The following MAML2 variants were observed in gnomAD, a reference collection of about 807,000 sequenced individuals.
MAML2 encodes the protein mastermind like transcriptional coactivator 2, also known as mastermind-like protein 2.
A neutral mutation model predicts 96.1 loss-of-function variants in MAML2; 22 were observed. The observed-to-expected ratio is 0.23, with a 90% CI of 0.16 to 0.33. The LOEUF (loss-of-function observed/expected upper bound fraction) is 0.33, where lower values mean the gene tolerates loss of function less well. Among genes scored for constraint, MAML2 ranks in the 10% least tolerant of loss-of-function variants. The pLI is 1.00. For missense variants in MAML2, 1,367 were observed against 1,392.4 expected, an observed-to-expected ratio of 0.98 and a Z score of 0.29; for synonymous variants, 561 against 521.3, an observed-to-expected ratio of 1.08 and a Z score of -1.04.
intron 1 of MAML2, among the ~76,000 whole-genome samples, chr11:96,216,000 C>A (rs772306995): frequency 2.0e-5 from 3 of 151,892 alleles, no homozygotes; most frequent in Admixed American, 6.6e-5. Context: ...GAGACATGTA[C>A]TGCATATTTT....
chr11:96,099,703 G>A (rs1203905309), intron 1 of MAML2, among the ~76,000 whole-genome samples: 1 of 152,196 alleles, frequency 6.6e-6, no homozygotes, highest in Admixed American at 6.5e-5. Context: ...GTTGTGGGTT[G>A]TGGGGAATAT....
chr11:96,294,707 T>A (rs1056319921), intron 1 of MAML2, among the ~76,000 whole-genome samples: 3 of 152,246 alleles, frequency 2.0e-5, no homozygotes, highest in African/African-American at 7.2e-5. Context: ...TAACATTTAT[T>A]GAACACTTAT....
intron 2 of MAML2, among the ~76,000 whole-genome samples, chr11:96,076,417 G>GTCTC (rs536256864): frequency 5.3e-5 from 6 of 113,632 alleles, no homozygotes; most frequent in South Asian, 3.0e-4. Context: ...GCTCTCTTTT[G>GTCTC]TCTCTCTCTC....
intron 1 of MAML2, among the ~76,000 whole-genome samples, chr11:96,221,637 G>T (rs889038235): frequency 6.7e-6 from 1 of 150,116 alleles, no homozygotes; most frequent in African/African-American, 2.5e-5. Context: ...TCAGTATTGA[G>T]CTCTTTGCTT....
chr11:96,192,985 C>T (rs1861676596), intron 1 of MAML2, among the ~76,000 whole-genome samples: 1 of 152,208 alleles, frequency 6.6e-6, no homozygotes, highest in African/African-American at 2.4e-5. Flanking sequence ...CTCTAGGAAT[C>T]ACATTGTGGG....
chr11:96,176,954 C>T (rs899141950), intron 1 of MAML2, among the ~76,000 whole-genome samples: 2 of 152,032 alleles, frequency 1.3e-5, no homozygotes, highest in Non-Finnish European at 2.9e-5. Flanking sequence ...ACTAAAAATA[C>T]GGAGATAAAA....
chr11:95,982,190 C>T (rs551968113), intron 4 of MAML2, among the ~76,000 whole-genome samples: 1 of 152,216 alleles, frequency 6.6e-6, no homozygotes, highest in Non-Finnish European at 1.5e-5. Flanking sequence ...TTCTGACCCA[C>T]TTGAGTGTCA....
intron 2 of MAML2, among the ~76,000 whole-genome samples, chr11:96,042,876 C>G (rs1257109225): frequency 2.0e-5 from 3 of 151,498 alleles, no homozygotes; most frequent in Non-Finnish European, 2.9e-5. Flanking sequence ...TCCTGAGTAG[C>G]TAGGACTACA....
In MAML2 at chr11:96,299,060, AAT is replaced by A. The variant is rs1555037073; in HGVS notation, c.513+42321_513+42322del. On this transcript the variant is annotated intron_variant, in intron 1 of 4. Coordinates refer to ENST00000524717, the MANE Select transcript of MAML2 (RefSeq NM_032427.4). ...AGTCCATCTCAAAAAAAAAAAAAAA[AAT>A]ATATATATATATATATATAAAATTT... 5.3e-4 allele frequency among the ~76,000 whole-genome samples: 30 copies of A among 56,338 alleles called. 1 individual carries two copies. Among genetic ancestry groups the A allele is most frequent in the South Asian group, 4.1e-3 (6 of 1,462 alleles). The allele number at this position is 56,338 out of a possible 152,430, so 37.0% of individuals were successfully genotyped here.
At chr11:95,986,110 A>G (rs1341883886) in intron 3 of MAML2, among the ~76,000 whole-genome samples, 1 of 152,206 alleles carries the variant, frequency 6.6e-6, no homozygotes, top group East Asian at 1.9e-4. Context: ...ACCTACGTAG[A>G]ATTCTGGTCC....
intron 1 of MAML2, among the ~76,000 whole-genome samples, chr11:96,130,884 CA>C (rs1478045127): frequency 6.6e-6 from 1 of 151,330 alleles, no homozygotes; most frequent in East Asian, 1.9e-4. Context: ...TAGGACCATC[CA>C]AAAAAACCTA....
chr11:96,140,766 T>G (rs1860717239), intron 1 of MAML2, among the ~76,000 whole-genome samples: 1 of 152,124 alleles, frequency 6.6e-6, no homozygotes, highest in South Asian at 2.1e-4. Context: ...TTCCTCCCTC[T>G]AGAGCCCACC....
At chr11:96,031,780 T>A (rs1160399172) in intron 2 of MAML2, among the ~76,000 whole-genome samples, 1 of 151,912 alleles carries the variant, frequency 6.6e-6, no homozygotes, top group African/African-American at 2.4e-5. Flanking sequence ...AGTCAGGAGA[T>A]CGAGACCACC....
intron 1 of MAML2, among the ~76,000 whole-genome samples, chr11:96,296,758 A>C (rs1863306724): frequency 6.6e-6 from 1 of 152,222 alleles, no homozygotes; most frequent in East Asian, 1.9e-4. Flanking sequence ...AGTCTTCCTA[A>C]TTGTATTGCA....
intron 1 of MAML2, among the ~76,000 whole-genome samples, chr11:96,256,538 C>T (rs1242338748): frequency 6.6e-6 from 1 of 152,160 alleles, no homozygotes; most frequent in Non-Finnish European, 1.5e-5. Context: ...AAATATTTCC[C>T]CCTATACATG....
In MAML2 at chr11:96,341,769, G is replaced by T; in HGVS notation, c.127C>A (p.Arg43=). The T allele has an allele frequency of 6.2e-7, 1 of 1,612,082 alleles. No homozygotes were observed. ...HSAIVERLRA[R]IAVCRQHHLS... is the part of the protein sequence containing the mutation. ...TGGTGTTGGCGGCAGACAGCGATCC[G>T]AGCCCGGAGGCGCTCCACGATAGCA... Residue 43 remains arginine (R), a synonymous_variant, in exon 1 of 5, where the codon CGG becomes AGG. Coordinates refer to ENST00000524717, the MANE Select transcript of MAML2 (RefSeq NM_032427.4).
At chr11:96,293,605 A>G (rs1863246295) in intron 1 of MAML2, among the ~76,000 whole-genome samples, 1 of 152,216 alleles carries the variant, frequency 6.6e-6, no homozygotes, top group Admixed American at 6.5e-5. Context: ...CAAAATATCA[A>G]TCTTGAAGAC....
intron 1 of MAML2, 41 bp from the exon 2 acceptor site, chr11:96,093,558 T>C (rs1289606619): frequency 2.3e-6 from 3 of 1,281,250 alleles, no homozygotes; most frequent in Non-Finnish European, 3.3e-6. Flanking sequence ...ATAAGAAATA[T>C]GAATCCAATG....
At chr11:96,085,344 G>A (rs1346050872) in intron 2 of MAML2, among the ~76,000 whole-genome samples, 1 of 152,138 alleles carries the variant, frequency 6.6e-6, no homozygotes, top group Non-Finnish European at 1.5e-5. Flanking sequence ...TCAAGTCTTT[G>A]TGCCTAACTT....
Sources: gnomAD v4.1 joint callset for allele counts (sites outside exome capture counted in the v4.1 genomes callset) on GRCh38, gnomAD v4.1.1 for gene constraint, MANE v1.5 for transcripts, NCBI Gene and HGNC (gene_info 2026-07-23, HGNC 2026-07-21) for gene names.